The following LUZP2 variants were observed in gnomAD, a reference collection of about 807,000 sequenced individuals.
The protein encoded by LUZP2 is leucine zipper protein 2.
In LUZP2, 52 loss-of-function variants were observed where a neutral mutation model predicts 51.6. The observed-to-expected ratio is 1.01, with a 90% CI of 0.81 to 1.27. The LOEUF (loss-of-function observed/expected upper bound fraction) is 1.27, where lower values mean the gene tolerates loss of function less well. Among genes scored for constraint, LUZP2 ranks in the 50% most tolerant of loss-of-function variants. LUZP2 has a pLI of 0.00. For synonymous variants in LUZP2, 154 were observed against 137.3 expected, an observed-to-expected ratio of 1.12 and a Z score of -0.85; for missense variants, 436 against 395.4, an observed-to-expected ratio of 1.10 and a Z score of -0.87.
chr11:24,554,214 A>G (rs188803925), intron 1 of LUZP2, among the ~76,000 whole-genome samples: 1 of 152,292 alleles, frequency 6.6e-6, no homozygotes, highest in Admixed American at 6.5e-5. Context: ...CCGATTTTCT[A>G]AGGAGCTGCT....
chr11:24,897,544 C>G (rs546457227), intron 5 of LUZP2, among the ~76,000 whole-genome samples: 1 of 151,984 alleles, frequency 6.6e-6, no homozygotes, highest in African/African-American at 2.4e-5. Flanking sequence ...ACACTCACCG[C>G]GAAGGTCTGC....
intron 1 of LUZP2, among the ~76,000 whole-genome samples, chr11:24,666,947 G>A (rs887598115): frequency 3.3e-5 from 5 of 152,006 alleles, no homozygotes; most frequent in South Asian, 2.1e-4. Flanking sequence ...GTCTCTCTCC[G>A]TTATTCTCTT....
intron 3 of LUZP2, among the ~76,000 whole-genome samples, chr11:24,733,312 ATTATT>A (rs1858789296): frequency 6.6e-6 from 1 of 151,882 alleles, no homozygotes; most frequent in Non-Finnish European, 1.5e-5. Context: ...CTGAAACAAT[ATTATT>A]TTAATTATTT....
chr11:24,861,547 A>G (rs1851741454), intron 5 of LUZP2, among the ~76,000 whole-genome samples: 2 of 152,040 alleles, frequency 1.3e-5, no homozygotes, highest in African/African-American at 4.8e-5. Flanking sequence ...CCCAAGACAC[A>G]TAATTGCCGG....
At chr11:24,828,329 C>G (rs1356320351) in intron 5 of LUZP2, among the ~76,000 whole-genome samples, 2 of 152,046 alleles carry the variant, frequency 1.3e-5, no homozygotes, top group African/African-American at 4.8e-5. Context: ...TGTTCAAAGA[C>G]ACAAGCAACT....
intron 1 of LUZP2, among the ~76,000 whole-genome samples, chr11:24,674,107 G>T (rs1252986526): frequency 6.6e-6 from 1 of 152,066 alleles, no homozygotes; most frequent in Non-Finnish European, 1.5e-5. Flanking sequence ...CTATGTATTG[G>T]TTACTGTCCT....
intron 5 of LUZP2, among the ~76,000 whole-genome samples, chr11:24,847,630 G>T (rs1341460428): frequency 1.3e-5 from 2 of 152,014 alleles, no homozygotes; most frequent in African/African-American, 4.8e-5. Flanking sequence ...ATTCATCTTT[G>T]TAATTGAGAA....
intron 5 of LUZP2, among the ~76,000 whole-genome samples, chr11:24,843,755 T>G (rs994197899): frequency 6.6e-6 from 1 of 152,100 alleles, no homozygotes; most frequent in Non-Finnish European, 1.5e-5. Context: ...GATTGAATTA[T>G]GGGGGCGGGT....
chr11:24,830,534 A>C (rs1850668582), intron 5 of LUZP2, among the ~76,000 whole-genome samples: 1 of 152,246 alleles, frequency 6.6e-6, no homozygotes, highest in Admixed American at 6.5e-5. Context: ...GAATGGCAAT[A>C]GCTAATATGG....
chr11:24,590,017 C>T (rs1007264527), intron 1 of LUZP2, among the ~76,000 whole-genome samples: 7 of 152,120 alleles, frequency 4.6e-5, no homozygotes, highest in South Asian at 2.1e-4. Context: ...GTGTAATGTA[C>T]GTGCATTTAA....
chr11:24,514,526 A>G (rs993753274), intron 1 of LUZP2, among the ~76,000 whole-genome samples: 1 of 152,194 alleles, frequency 6.6e-6, no homozygotes, highest in Admixed American at 6.5e-5. Flanking sequence ...CTCTCCTTCT[A>G]TCAAGCCCAC....
chr11:24,646,205 G>A lies in LUZP2; in HGVS notation c.63-82964G>A, dbSNP rs72880681. On this transcript the variant is annotated intron_variant, in intron 1 of 11. Coordinates refer to ENST00000336930, the MANE Select transcript of LUZP2 (RefSeq NM_001009909.4). The stretch of plus-strand genomic sequence containing the variant: ...GTTGCTTTCTGTGTTTATGTACACT[G>A]GGCAGAAGCACAGTGTGCGTGTAAA... Among the ~76,000 whole-genome samples the A allele has an allele frequency of 2.7e-3, 409 of 152,132 alleles. 3 individuals are homozygous for A. The highest frequency in any genetic ancestry group is 3.3e-3 in the Non-Finnish European group (224 of 67,986).
chr11:24,885,506 A>C lies in LUZP2; in HGVS notation c.397-20485A>C, dbSNP rs546021954. Among the ~76,000 whole-genome samples the C allele has an allele frequency of 4.6e-5, 7 of 152,264 alleles. No individual in the cohort carries two copies. In the South Asian group the frequency reaches 1.4e-3, roughly 32 times the overall value. The stretch of plus-strand genomic sequence containing the variant: ...ACCCAAGTCTAGTTGTCCTGATCCA[A>C]GAAGCCAGCCACTGTGCTGTATTAT... On this transcript the variant is annotated intron_variant, in intron 5 of 11. Transcript: ENST00000336930.
intron 1 of LUZP2, among the ~76,000 whole-genome samples, chr11:24,598,726 A>G (rs1258196334): frequency 6.6e-6 from 1 of 152,212 alleles, no homozygotes; most frequent in Non-Finnish European, 1.5e-5. Flanking sequence ...TGCAATAGCC[A>G]GGAATCAGTC....
intron 1 of LUZP2, among the ~76,000 whole-genome samples, chr11:24,545,413 C>A (rs181709956): frequency 6.6e-6 from 1 of 151,926 alleles, no homozygotes; most frequent in Non-Finnish European, 1.5e-5. Flanking sequence ...TTTAGTTTTA[C>A]ATTTAAATGT....
At chr11:24,777,900 T>C (rs1360198563) in intron 5 of LUZP2, among the ~76,000 whole-genome samples, 1 of 144,608 alleles carries the variant, frequency 6.9e-6, no homozygotes, top group Non-Finnish European at 1.5e-5. Flanking sequence ...AGCATTATTT[T>C]CTTAAAGTTA....
At chr11:24,539,091 C>T (rs1184736815) in intron 1 of LUZP2, among the ~76,000 whole-genome samples, 3 of 151,764 alleles carry the variant, frequency 2.0e-5, no homozygotes, top group African/African-American at 7.2e-5. Context: ...AAATATTTCA[C>T]TTTTTATGTC....
At chr11:24,963,091 G>A (rs1220644100) in intron 7 of LUZP2, among the ~76,000 whole-genome samples, 11 of 152,276 alleles carry the variant, frequency 7.2e-5, no homozygotes, top group African/African-American at 9.6e-5. Context: ...TTCGTGAACC[G>A]CGAATGCTGC....
Position 24,529,243 on chromosome 11 carries a change from G to A in LUZP2, c.62+31938G>A, listed in dbSNP as rs143099322. Among the ~76,000 whole-genome samples, 147 of 151,188 alleles carry A rather than the reference G, an allele frequency of 9.7e-4. 2 individuals carry two copies. The highest frequency in any genetic ancestry group is 3.2e-3 in the African/African-American group (133 of 41,440). ...CTTTATACAAAAAAAACCTGGCATA[G>A]TAACAGGTGCATTGTAGCTATCAAA... On this transcript the variant is annotated intron_variant, in intron 1 of 11. Coordinates refer to ENST00000336930, the MANE Select transcript of LUZP2 (RefSeq NM_001009909.4).
Sources: gnomAD v4.1 joint callset for allele counts (sites outside exome capture counted in the v4.1 genomes callset) on GRCh38, gnomAD v4.1.1 for gene constraint, MANE v1.5 for transcripts, NCBI Gene and HGNC (gene_info 2026-07-23, HGNC 2026-07-21) for gene names.